Variants in PDE8A observed in about 807,000 individuals in gnomAD.
PDE8A encodes high affinity cAMP-specific and IBMX-insensitive 3',5'-cyclic phosphodiesterase 8A.
Under a neutral mutation model 105.0 loss-of-function variants are expected in PDE8A, and 59 were observed. The observed-to-expected ratio is 0.56, with a 90% CI of 0.46 to 0.70. The LOEUF (loss-of-function observed/expected upper bound fraction) is 0.70, where lower values mean the gene tolerates loss of function less well. PDE8A is among the 30% of genes least tolerant of loss of function. The pLI, the probability that PDE8A is intolerant of heterozygous loss-of-function variation, is 0.00. For missense variants in PDE8A, 1,014 were observed against 1,045.9 expected (o/e 0.97, Z 0.42); for synonymous variants, 355 against 371.9 (o/e 0.95, Z 0.52).
At chr15:85,020,873 C>A (rs1382103379) in intron 1 of PDE8A, among the ~76,000 whole-genome samples, 1 of 152,118 alleles carries the variant, frequency 6.6e-6, no homozygotes, top group East Asian at 1.9e-4. Context: ...TCTCTATTAT[C>A]AATACTGTTA....
chr15:85,099,752 A>T (rs950367221), intron 9 of PDE8A: 34 of 458,256 alleles, frequency 7.4e-5, no homozygotes, highest in Admixed American at 5.9e-4. Context: ...AGTTCATTTT[A>T]AAAAATATGT....
chr15:85,031,528 A>C (rs1405002987), intron 1 of PDE8A, among the ~76,000 whole-genome samples: 2 of 151,948 alleles, frequency 1.3e-5, no homozygotes, highest in African/African-American at 4.8e-5. Flanking sequence ...GAATCACTTA[A>C]ACCATCTTCT....
At chr15:85,025,023 A>G (rs1367572849) in intron 1 of PDE8A, among the ~76,000 whole-genome samples, 4 of 152,190 alleles carry the variant, frequency 2.6e-5, no homozygotes, top group Non-Finnish European at 5.9e-5. Context: ...TTTTTCCATT[A>G]TGGGTTGGAG....
chr15:85,116,953 T>C (rs7167692), intron 16 of PDE8A, among the ~76,000 whole-genome samples: 22,360 of 152,246 alleles, frequency 0.15, 3,723 homozygotes, highest in African/African-American at 0.41. Flanking sequence ...TCCATGTGAA[T>C]TGGGCTAAGG....
At position 84,982,258 on chromosome 15, in the gene PDE8A, C is replaced by T; in HGVS notation, c.96C>T (p.Arg32=). Residue 32 remains arginine, a synonymous_variant, in exon 1 of 22, where the codon CGC becomes CGT. Transcript: ENST00000394553. ...CGCCGCTGTCGTCCGGCGGGCCGCG[C>T]CTCCCGCAGGGCCAGAAGACGGCCG... ...AAPPLSSGGP[R]LPQGQKTAAL... is the part of the protein sequence containing the mutation. The T allele has an allele frequency of 6.9e-7, 1 of 1,455,588 alleles. No individual in the cohort carries two copies. Among genetic ancestry groups the T allele is most frequent in the South Asian group, 1.3e-5 (1 of 74,892 alleles). 90.2% of individuals were successfully genotyped at this position (1,455,588 alleles called of 1,614,324 possible).
At chr15:84,995,317 C>CTTT (rs35094035) in intron 1 of PDE8A, among the ~76,000 whole-genome samples, 1 of 145,568 alleles carries the variant, frequency 6.9e-6, no homozygotes. Flanking sequence ...CAGTATGTAC[C>CTTT]TTTTTTTTTT....
chr15:85,114,230 G>A (rs866602724), intron 14 of PDE8A, among the ~76,000 whole-genome samples, 193 bp downstream of exon 14: 6 of 152,320 alleles, frequency 3.9e-5, no homozygotes, highest in African/African-American at 4.8e-5. Flanking sequence ...GCCTCCTAGG[G>A]AGAGCTTAGC....
intron 8 of PDE8A, among the ~76,000 whole-genome samples, chr15:85,097,460 C>T (rs1319063145): frequency 6.6e-6 from 1 of 152,162 alleles, no homozygotes. Context: ...ATCCTCCACA[C>T]CCTATATACA....
At chr15:85,134,348 C>T (rs1409389895) in intron 20 of PDE8A, among the ~76,000 whole-genome samples, 2 of 152,184 alleles carry the variant, frequency 1.3e-5, no homozygotes, top group Non-Finnish European at 2.9e-5. Context: ...AGGAGAGCGC[C>T]CCGCCCAGGG....
intron 1 of PDE8A, among the ~76,000 whole-genome samples, chr15:85,022,204 C>G (rs1357947593): frequency 1.3e-5 from 2 of 152,136 alleles, no homozygotes; most frequent in Non-Finnish European, 2.9e-5. Flanking sequence ...TGTCTTAGTT[C>G]TTTTCAGCTG....
intron 14 of PDE8A, among the ~76,000 whole-genome samples, chr15:85,114,423 G>C (rs1466688690): frequency 2.0e-5 from 3 of 152,190 alleles, no homozygotes; most frequent in Non-Finnish European, 4.4e-5. Context: ...TATTTAAAAT[G>C]GTGCCGGGGG....
chr15:84,988,278 C>A (rs2079835095), intron 1 of PDE8A, among the ~76,000 whole-genome samples: 1 of 152,192 alleles, frequency 6.6e-6, no homozygotes, highest in Non-Finnish European at 1.5e-5. Flanking sequence ...TTGCATTTCC[C>A]ATTCTTTGGT....
intron 1 of PDE8A, among the ~76,000 whole-genome samples, chr15:84,987,145 GTTC>G (rs1301889189): frequency 2.6e-5 from 4 of 152,152 alleles, no homozygotes; most frequent in Admixed American, 1.3e-4. Context: ...CCCTCATTGT[GTTC>G]TTGTGCTTTT....
At chr15:85,114,884 A>G (rs114810591) in intron 14 of PDE8A, among the ~76,000 whole-genome samples, 1,896 of 152,278 alleles carry the variant, frequency 0.012, 27 homozygotes, top group Middle Eastern at 0.034. Flanking sequence ...GAATAGCCAC[A>G]GGACTGGAGA....
chr15:84,987,465 CTT>C (rs10656480), intron 1 of PDE8A, among the ~76,000 whole-genome samples: 6 of 92,458 alleles, frequency 6.5e-5, no homozygotes, highest in Middle Eastern at 6.3e-3. Context: ...GGATTGGTTC[CTT>C]TTTTTTTTTT....
chr15:85,099,537 T>A (rs1252631923), intron 9 of PDE8A, among the ~76,000 whole-genome samples: 1 of 152,236 alleles, frequency 6.6e-6, no homozygotes, highest in Non-Finnish European at 1.5e-5. Context: ...GTCAGCAGCC[T>A]CTGAGCTAAG....
At chr15:85,031,091 T>C (rs1432522856) in intron 1 of PDE8A, among the ~76,000 whole-genome samples, 1 of 152,246 alleles carries the variant, frequency 6.6e-6, no homozygotes, top group East Asian at 1.9e-4. Context: ...TAATACCAAC[T>C]TCATATCCTT....
intron 8 of PDE8A, among the ~76,000 whole-genome samples, chr15:85,091,707 CTAT>C (rs1203696899): frequency 6.6e-6 from 1 of 152,106 alleles, no homozygotes; most frequent in Non-Finnish European, 1.5e-5. Flanking sequence ...ATAAAAGTAA[CTAT>C]TATTCAATAA....
chr15:85,072,776 CAAA>C (rs1422657847), intron 3 of PDE8A, among the ~76,000 whole-genome samples: 6 of 152,046 alleles, frequency 3.9e-5, no homozygotes. Context: ...CTTGTGTGGC[CAAA>C]AGGATTCCTA....
Sources: gnomAD v4.1 joint callset for allele counts (sites outside exome capture counted in the v4.1 genomes callset) on GRCh38, gnomAD v4.1.1 for gene constraint, MANE v1.5 for transcripts, NCBI Gene and HGNC (gene_info 2026-07-23, HGNC 2026-07-21) for gene names.